Variants in SLC7A6 observed in about 807,000 individuals in gnomAD.
The protein encoded by SLC7A6 is solute carrier family 7 member 6.
Under a neutral mutation model 46.6 loss-of-function variants are expected in SLC7A6, and 29 were observed. The observed-to-expected ratio is 0.62, with a 90% confidence interval of 0.46 to 0.85. The LOEUF (loss-of-function observed/expected upper bound fraction) is 0.85. Among genes scored for constraint, SLC7A6 ranks in the 40% least tolerant of loss-of-function variants. The pLI is 0.00. For missense variants in SLC7A6, 527 were observed against 647.6 expected (o/e 0.81, Z 2.02); for synonymous variants, 276 against 257.3 (o/e 1.07, Z -0.70).
chr16:68,284,971 G>T (rs961608351), intron 3 of SLC7A6, among the ~76,000 whole-genome samples: 1 of 147,488 alleles, frequency 6.8e-6, no homozygotes, highest in Non-Finnish European at 1.5e-5. Flanking sequence ...TCCTGGGTTC[G>T]GCAGTTCTCC....
In SLC7A6 at chr16:68,301,430, T is replaced by C; in HGVS notation, c.*4102T>C. On this transcript the variant is annotated 3_prime_UTR_variant, in exon 11 of 11. Transcript: ENST00000219343. ...CCTAGAATGACATCCCGGGAGTGGA[T>C]TCTAAATGTGATTTTCCTAGGCTAC... 1 of 1,605,248 alleles carries C rather than the reference T, an allele frequency of 6.2e-7. No individual in the cohort carries two copies. The highest frequency in any genetic ancestry group is 8.5e-7 in the Non-Finnish European group (1 of 1,174,390).
chr16:68,274,660 C>G (rs1166775873), intron 2 of SLC7A6, 31 bp from the exon 3 acceptor site: 1 of 1,580,090 alleles, frequency 6.3e-7, no homozygotes, highest in Non-Finnish European at 8.6e-7. Flanking sequence ...CAGCTCCTGC[C>G]CTAGACTGAC....
intron 3 of SLC7A6, chr16:68,287,459 G>A: frequency 7.5e-7 from 1 of 1,341,242 alleles, no homozygotes; most frequent in Non-Finnish European, 9.8e-7. Flanking sequence ...CCCATCCCTG[G>A]GCCTGGGGGG....
In SLC7A6 at chr16:68,297,401, C is replaced by A; in HGVS notation, c.*73C>A. The A allele has an allele frequency of 1.6e-6, 2 of 1,253,524 alleles. No homozygotes were observed. Among genetic ancestry groups the A allele is most frequent in the Non-Finnish European group, 2.3e-6 (2 of 870,192 alleles). The allele number at this position is 1,253,524 out of a possible 1,614,324, so 77.7% of individuals were successfully genotyped here. A position where few individuals can be genotyped will look rare whatever the true frequency, so the allele number is the denominator to read the frequency against. On this transcript the variant is annotated 3_prime_UTR_variant, in exon 11 of 11. Transcript: ENST00000219343. ...AATCCTGATAACAAGACTCTGTGGGCCCAACTCTCCTGAATTAAAGGAGCC... is the reference window on the plus strand; with the variant it reads ...AATCCTGATAACAAGACTCTGTGGGACCAACTCTCCTGAATTAAAGGAGCC...
intron 7 of SLC7A6, among the ~76,000 whole-genome samples, chr16:68,293,264 A>G (rs2043094014): frequency 6.6e-6 from 1 of 152,086 alleles, no homozygotes; most frequent in South Asian, 2.1e-4. Flanking sequence ...AAAAATACAA[A>G]AAAAGAAAAA....
At chr16:68,270,808 G>A (rs1370212094) in intron 2 of SLC7A6, among the ~76,000 whole-genome samples, 2 of 151,200 alleles carry the variant, frequency 1.3e-5, no homozygotes, top group Admixed American at 6.6e-5. Context: ...GTGGGAATGT[G>A]CTATCCATCC....
At chr16:68,270,861 AT>A (rs11301249) in intron 2 of SLC7A6, among the ~76,000 whole-genome samples, 46,013 of 142,730 alleles carry the variant, frequency 0.32, 6,972 homozygotes, top group South Asian at 0.46. Context: ...TTTATATTGG[AT>A]TTTTTTTTTT....
chr16:68,295,066 C>T (rs1393405639), intron 8 of SLC7A6, among the ~76,000 whole-genome samples: 2 of 152,122 alleles, frequency 1.3e-5, no homozygotes, highest in South Asian at 2.1e-4. Flanking sequence ...ATACCAATAT[C>T]GCTCACTCAA....
In SLC7A6 at chr16:68,296,588, C is replaced by A. The variant is rs773667115; in HGVS notation, c.1270-39C>A. The A allele has an allele frequency of 3.1e-6, 5 of 1,613,642 alleles. No homozygotes were observed. In the Admixed American group the frequency reaches 8.3e-5, roughly 27 times the overall value. On this transcript the variant is annotated intron_variant, in intron 9 of 10. Coordinates refer to ENST00000219343, the MANE Select transcript of SLC7A6 (RefSeq NM_003983.6). Reference sequence around the variant, plus strand: ...GCTTCTTGCCCACGAGCTGTTTCCTCTTCCCACGTTACTTAATCTCTCACC... The same window carrying A: ...GCTTCTTGCCCACGAGCTGTTTCCTATTCCCACGTTACTTAATCTCTCACC...
intron 10 of SLC7A6, 146 bp downstream of exon 10, chr16:68,296,956 C>A: frequency 1.2e-6 from 1 of 869,182 alleles, no homozygotes; most frequent in Non-Finnish European, 1.8e-6. Flanking sequence ...TTGATTTTGA[C>A]ATGATCACTT....
At chr16:68,266,751 G>C (rs1230691757) in intron 2 of SLC7A6, 30 bp downstream of exon 2, 1 of 151,992 alleles carries the variant, frequency 6.6e-6, no homozygotes, top group African/African-American at 2.4e-5. Flanking sequence ...CTTTTCTTTT[G>C]TTTGTGTGAT....
intron 3 of SLC7A6, 84 bp downstream of exon 3, chr16:68,275,333 T>C (rs1267492658): frequency 1.7e-5 from 26 of 1,519,132 alleles, no homozygotes; most frequent in Non-Finnish European, 2.2e-5. Context: ...CGGTGGCTCA[T>C]GCCTATAATC....
rs563901845 is a variant in SLC7A6 at position 68,272,980 on chromosome 16, T to C, written c.-36-1711T>C. On this transcript the variant is annotated intron_variant, in intron 2 of 10. Coordinates refer to ENST00000219343, the MANE Select transcript of SLC7A6 (RefSeq NM_003983.6). ...CAGGTGCCTGCACAGGAAACCTGCA[T>C]GGCTTGGTGCCAGAGTGAGAGCAAA... 6 of 152,356 alleles carry C rather than the reference T, an allele frequency of 3.9e-5. 1 individual carries two copies. In the South Asian group the frequency reaches 1.2e-3, roughly 32 times the overall value. 9.4% of individuals were successfully genotyped at this position (152,356 alleles called of 1,614,324 possible). A position where few individuals can be genotyped will look rare whatever the true frequency, so the allele number is the denominator to read the frequency against.
chr16:68,269,304 CT>C (rs893606684), intron 2 of SLC7A6, among the ~76,000 whole-genome samples: 1 of 152,062 alleles, frequency 6.6e-6, no homozygotes, highest in Non-Finnish European at 1.5e-5. Context: ...GTTTTTCTTG[CT>C]TTTTTTATGT....
intron 7 of SLC7A6, 93 bp from the exon 8 acceptor site, chr16:68,294,612 G>A (rs959849068): frequency 1.2e-5 from 11 of 889,568 alleles, no homozygotes; most frequent in Admixed American, 1.8e-5. Context: ...TGCTTTCCTC[G>A]GGGGCTCTGA....
At chr16:68,278,244 C>G (rs1236537940) in intron 3 of SLC7A6, among the ~76,000 whole-genome samples, 1 of 152,130 alleles carries the variant, frequency 6.6e-6, no homozygotes, top group Admixed American at 6.5e-5. Flanking sequence ...CATGAGCCAC[C>G]ATGCCCAGCC....
intron 3 of SLC7A6, among the ~76,000 whole-genome samples, chr16:68,286,584 T>C (rs1567590328): frequency 1.3e-5 from 2 of 152,214 alleles, no homozygotes; most frequent in African/African-American, 2.4e-5. Context: ...CTAGAGGCAG[T>C]ACTCACAGAT....
chr16:68,266,810 C>T (rs890168204), intron 2 of SLC7A6, 89 bp downstream of exon 2: 6 of 152,092 alleles, frequency 3.9e-5, no homozygotes, highest in Admixed American at 2.0e-4. Context: ...TACTAGTAAA[C>T]AGAATGGCTT....
At chr16:68,267,170 G>A (rs2042547462) in intron 2 of SLC7A6, among the ~76,000 whole-genome samples, 3 of 149,452 alleles carry the variant, frequency 2.0e-5, no homozygotes, top group Middle Eastern at 3.5e-3. Context: ...CCTGAGCTCA[G>A]GCAATCTGCC....
Sources: allele counts gnomAD v4.1 joint callset (sites outside exome capture counted in the v4.1 genomes callset), GRCh38; gene constraint gnomAD v4.1.1; transcripts MANE v1.5; gene names NCBI Gene and HGNC (gene_info 2026-07-23, HGNC 2026-07-21).